Variants in FAAP100 observed in about 807,000 individuals in gnomAD.
FAAP100 encodes FA core complex associated protein 100, also known as Fanconi anemia core complex-associated protein 100.
In FAAP100, 46 loss-of-function variants were observed where a neutral mutation model predicts 65.8. The observed-to-expected ratio is 0.70, with a 90% CI of 0.55 to 0.89. FAAP100 has a LOEUF of 0.89. Ranked by LOEUF, FAAP100 falls within the 40% of genes least tolerant of loss-of-function variation. The pLI is 0.00. For synonymous variants in FAAP100, 663 were observed against 555.1 expected (o/e 1.19, Z -2.73); for missense variants, 1,165 against 1,196.7 (o/e 0.97, Z 0.39).
In FAAP100 at chr17:81,540,790, G is replaced by A. The variant is rs1463101391; in HGVS notation, c.*29C>T. On this transcript the variant is annotated 3_prime_UTR_variant, in exon 9 of 9. Transcript: ENST00000327787. ...GGGCTGTGACAGAGGCTGGAAGCGT[G>A]GCCAGAGCCCAGGGGCAGGCCCGCC... 1 of 1,488,916 alleles carries A rather than the reference G, an allele frequency of 6.7e-7. No homozygotes were observed. The highest frequency in any genetic ancestry group is 8.9e-7 in the Non-Finnish European group (1 of 1,117,454). 92.2% of individuals were successfully genotyped at this position (1,488,916 alleles called of 1,614,324 possible).
At chr17:81,542,931 C>A (rs2033169537) in intron 7 of FAAP100, among the ~76,000 whole-genome samples, 1 of 152,212 alleles carries the variant, frequency 6.6e-6, no homozygotes. Context: ...CTCTGGAGAA[C>A]CCCCTGGTGC....
chr17:81,551,049 G>C lies in FAAP100; in HGVS notation c.445C>G (p.Arg149Gly), dbSNP rs757988865. Residue 149 changes from arginine to glycine, a missense_variant, in exon 3 of 9, where the codon CGA (arginine) becomes GGA (glycine). Transcript: ENST00000327787. ...VLVTLVQGPARWKMQLFEQPC... is the reference protein window; with the variant it reads ...VLVTLVQGPAGWKMQLFEQPC... ...TGCTCAAACAGCTGCATCTTCCATC[G>C]GGCAGGGCCCTGCACCAGGGTGACC... The C allele has an allele frequency of 3.1e-6, 5 of 1,603,994 alleles. No homozygotes were observed. The highest frequency in any genetic ancestry group is 1.7e-5 in the Admixed American group (1 of 58,996).
rs2033207201 is a variant in FAAP100 at position 81,544,001 on chromosome 17, T to C, written c.2427+3A>G. On this transcript the variant is annotated splice_donor_region_variant and intron_variant, in intron 7 of 8. Coordinates refer to ENST00000327787, the MANE Select transcript of FAAP100 (RefSeq NM_025161.6). ...GGCCACCTTCCCCAGCGGGCCGACATACCTGCATGCGCCCGACAACGGCAT... is the reference window on the plus strand; with the variant it reads ...GGCCACCTTCCCCAGCGGGCCGACACACCTGCATGCGCCCGACAACGGCAT... The C allele has an allele frequency of 1.2e-6, 2 of 1,610,016 alleles. No homozygotes were observed. The highest frequency in any genetic ancestry group is 1.7e-6 in the Non-Finnish European group (2 of 1,178,106).
rs776989559 is a variant in FAAP100, at chr17:81,545,864, G to A, written c.2192C>T (p.Ala731Val). The change falls in exon 6 of 9, where the codon GCC becomes GTC. Residue 731 changes from alanine to valine, a missense_variant. Coordinates refer to ENST00000327787, the MANE Select transcript of FAAP100 (RefSeq NM_025161.6). ...DGHSGVPLCC[A>V]TLQWLLAENA... ...CTCAGCAAGGAGCCACTGCAGGGTG[G>A]CACAGCACAGGGGCACGCCTGGAGG... The A allele has an allele frequency of 6.2e-7, 1 of 1,608,420 alleles. No individual in the cohort carries two copies. Among genetic ancestry groups the A allele is most frequent in the Non-Finnish European group, 8.5e-7 (1 of 1,179,820 alleles).
Position 81,550,363 on chromosome 17 carries a change from C to A in FAAP100, c.1131G>T (p.Pro377=), listed in dbSNP as rs766722306. 9 of 1,612,816 alleles carry A rather than the reference C, an allele frequency of 5.6e-6. No individual in the cohort carries two copies. The highest frequency in any genetic ancestry group is 5.9e-6 in the Non-Finnish European group (7 of 1,179,988). ...CVVDLSRGST[P]LGPEQPEEGP... is the part of the protein sequence containing the mutation. ...CTTCTTCGGGCTGCTCAGGGCCCAGCGGGGTGCTTCCCCGAGACAGATCCA... is the reference window on the plus strand; with the variant it reads ...CTTCTTCGGGCTGCTCAGGGCCCAGAGGGGTGCTTCCCCGAGACAGATCCA... Residue 377 remains proline, a synonymous_variant, in exon 3 of 9, where the codon CCG becomes CCT. Transcript: ENST00000327787.
rs1221534603 is a variant in FAAP100 at position 81,545,736 on chromosome 17, C to A, written c.2310+10G>T. The A allele has an allele frequency of 3.1e-6, 5 of 1,607,902 alleles. No homozygotes were observed. The African/African-American group carries it at 5.3e-5, about 17-fold the overall frequency. ...GGTGCCGTGGCTCGTTTCCCTGAACCCCTGCTTGCCTCTCGGACGATGAGG... is the reference window on the plus strand; with the variant it reads ...GGTGCCGTGGCTCGTTTCCCTGAACACCTGCTTGCCTCTCGGACGATGAGG... On this transcript the variant is annotated intron_variant, in intron 6 of 8. Coordinates refer to ENST00000327787, the MANE Select transcript of FAAP100 (RefSeq NM_025161.6).
Position 81,541,312 on chromosome 17 carries a change from G to A in FAAP100, c.2511C>T (p.His837=), listed in dbSNP as rs148073755. The A allele has an allele frequency of 1.7e-4, 270 of 1,611,030 alleles. 1 individual carries two copies. The highest frequency in any genetic ancestry group is 1.5e-3 in the African/African-American group (116 of 75,048). ...VQYLRQIHAN[H]ETLLREVQTL... is the part of the protein sequence containing the mutation. ...GCCCGGGGAACCGGGTGCTCACCTCGTGGTTGGCGTGGATCTGGCGGAGGT... is the reference window on the plus strand; with the variant it reads ...GCCCGGGGAACCGGGTGCTCACCTCATGGTTGGCGTGGATCTGGCGGAGGT... The change falls in exon 8 of 9, where the codon CAC becomes CAT. Residue 837 remains histidine (H), a synonymous_variant. Coordinates refer to ENST00000327787, the MANE Select transcript of FAAP100 (RefSeq NM_025161.6).
In FAAP100 at chr17:81,546,969, C is replaced by G. The variant is rs2033323031; in HGVS notation, c.2113G>C (p.Val705Leu). The G allele has an allele frequency of 1.4e-6, 2 of 1,476,074 alleles. No individual in the cohort carries two copies. The highest frequency in any genetic ancestry group is 1.8e-6 in the Non-Finnish European group (2 of 1,111,746). 91.4% of individuals were successfully genotyped at this position (1,476,074 alleles called of 1,614,324 possible). A position where few individuals can be genotyped will look rare whatever the true frequency, so the allele number is the denominator to read the frequency against. Reference protein sequence around the residue: ...SLRAEYLPPSVASIKVSAELL... With the variant: ...SLRAEYLPPSLASIKVSAELL... Reference sequence around the variant, plus strand: ...TCCGCCGACACCTTGATGGAAGCCACAGATGGGGGCAGGTACTCGGCCCGC... The same window carrying G: ...TCCGCCGACACCTTGATGGAAGCCAGAGATGGGGGCAGGTACTCGGCCCGC... The change falls in exon 5 of 9, where the codon GTG (valine) becomes CTG (leucine). Residue 705 changes from valine to leucine, a missense_variant. Coordinates refer to ENST00000327787, the MANE Select transcript of FAAP100 (RefSeq NM_025161.6).
Position 81,550,385 on chromosome 17 carries a change from T to A in FAAP100, c.1109A>T (p.Asp370Val), listed in dbSNP as rs1274596193. 3 of 1,612,206 alleles carry A rather than the reference T, an allele frequency of 1.9e-6. No homozygotes were observed. The highest frequency in any genetic ancestry group is 2.7e-5 in the African/African-American group (2 of 74,756). ...CAGCGGGGTGCTTCCCCGAGACAGA[T>A]CCACCACACAGAGGTCAGAAGGGGT... is the stretch of plus-strand genomic sequence containing the variant. ...HSTPSDLCVV[D>V]LSRGSTPLGP... The change falls in exon 3 of 9, where the codon GAT (aspartate) becomes GTT (valine). Residue 370 changes from aspartate (D) to valine (V), a missense_variant. Asp to Val is a radical substitution (Grantham distance 152). Transcript: ENST00000327787.
In FAAP100 at chr17:81,543,062, G is replaced by A. The variant is rs118054484; in HGVS notation, c.2427+942C>T. On this transcript the variant is annotated intron_variant, in intron 7 of 8. Coordinates refer to ENST00000327787, the MANE Select transcript of FAAP100 (RefSeq NM_025161.6). Reference sequence around the variant, plus strand: ...GGTCATGGCAGTGTCACAGTGCAGGGCACAGGGTCCTTGCACCAAATGAGA... The same window carrying A: ...GGTCATGGCAGTGTCACAGTGCAGGACACAGGGTCCTTGCACCAAATGAGA... Among the ~76,000 whole-genome samples, 128 of 152,340 alleles carry A rather than the reference G, an allele frequency of 8.4e-4. 1 individual carries two copies. In the East Asian group the frequency reaches 0.021, roughly 25 times the overall value.
rs774134117 is a variant in FAAP100 at position 81,549,263 on chromosome 17, T to C, written c.1346A>G (p.Glu449Gly). The C allele has an allele frequency of 2.5e-6, 4 of 1,613,166 alleles. No individual in the cohort carries two copies. Among genetic ancestry groups the C allele is most frequent in the Non-Finnish European group, 3.4e-6 (4 of 1,180,000 alleles). ...CTCCTTTATTTTCTGACCTGCACTC[T>C]CTGTGGTCATCCTGGCTGGGCCAGG... ...EMPGPARMTT[E>G]SAGQKIKELL... The change falls in exon 4 of 9, where the codon GAG becomes GGG. Residue 449 changes from glutamate to glycine, a missense_variant. Transcript: ENST00000327787.
In FAAP100 at chr17:81,541,331, C is replaced by A. The variant is rs764123117; in HGVS notation, c.2492G>T (p.Arg831Leu). 3.7e-6 allele frequency: 6 copies of A among 1,611,720 alleles called. No individual in the cohort carries two copies. In the South Asian group the frequency reaches 5.5e-5, roughly 15 times the overall value. Residue 831 changes from arginine (R) to leucine (L), a missense_variant, in exon 8 of 9, where the codon CGC becomes CTC. Coordinates refer to ENST00000327787, the MANE Select transcript of FAAP100 (RefSeq NM_025161.6). ...CACCTCGTGGTTGGCGTGGATCTGG[C>A]GGAGGTACTGCACACGGAGATCAGG... ...SAPDLRVQYL[R>L]QIHANHETLL... is the part of the protein sequence containing the mutation.
chr17:81,541,062 T>G, intron 8 of FAAP100, 112 bp from the exon 9 acceptor site: 1 of 1,359,538 alleles, frequency 7.4e-7, no homozygotes, highest in Non-Finnish European at 9.8e-7. Flanking sequence ...TGGCAGGTGG[T>G]CCGAGGAAGA....
At chr17:81,548,912 C>T (rs897762878) in intron 4 of FAAP100, among the ~76,000 whole-genome samples, 12 of 151,222 alleles carry the variant, frequency 7.9e-5, no homozygotes, top group South Asian at 2.1e-4. Flanking sequence ...TGGTGGCGGG[C>T]GCCTGTAGTC....
Position 81,540,564 on chromosome 17 carries a change from G to GGAGA in FAAP100, c.*251_*254dup, listed in dbSNP as rs1190461265. The stretch of plus-strand genomic sequence containing the variant: ...AGGGGCTGCGGCCGCGGTCAGAGAA[G>GGAGA]GAGAGACACCAGCAGAGGACGCGAA... On this transcript the variant is annotated 3_prime_UTR_variant, in exon 9 of 9. Transcript: ENST00000327787. 2.2e-6 allele frequency: 1 copy of GGAGA among 457,606 alleles called. No individual in the cohort carries two copies. Among genetic ancestry groups the GGAGA allele is most frequent in the Non-Finnish European group, 3.8e-6 (1 of 263,896 alleles). The allele number at this position is 457,606 out of a possible 1,614,324, so 28.3% of individuals were successfully genotyped here.
intron 7 of FAAP100, among the ~76,000 whole-genome samples, chr17:81,542,202 TA>T (rs2033138298): frequency 3.7e-4 from 4 of 10,720 alleles, no homozygotes; most frequent in African/African-American, 1.2e-3. Context: ...AAAAAAAAAA[TA>T]TATATATATA....
chr17:81,547,972 C>T lies in FAAP100; in HGVS notation c.1404-294G>A, dbSNP rs1159837642. The T allele has an allele frequency of 4.3e-6, 3 of 703,284 alleles. No homozygotes were observed. In the African/African-American group the frequency reaches 5.2e-5, roughly 12 times the overall value. 43.6% of individuals were successfully genotyped at this position (703,284 alleles called of 1,614,324 possible). The stretch of plus-strand genomic sequence containing the variant: ...TGCTCCGGGGACCTAGGCTAATCTG[C>T]CAGGTATGAGAAGCGCACCACCCAC... On this transcript the variant is annotated intron_variant, in intron 4 of 8. Transcript: ENST00000327787.
rs2033358507 is a variant in FAAP100 at position 81,547,635 on chromosome 17, G to A, written c.1447C>T (p.Leu483=). 1 of 1,612,466 alleles carries A rather than the reference G, an allele frequency of 6.2e-7. No individual in the cohort carries two copies. Among genetic ancestry groups the A allele is most frequent in the Non-Finnish European group, 8.5e-7 (1 of 1,179,386 alleles). Residue 483 remains leucine, a synonymous_variant, in exon 5 of 9, where the codon CTG becomes TTG. Coordinates refer to ENST00000327787, the MANE Select transcript of FAAP100 (RefSeq NM_025161.6). ...TTCATGGCCTCGTTGAGGCTTGTCA[G>A]TGCCTTGTTCCGCTGGTCAACCGCC... ...KKAVDQRNKA[L]TSLNEAMNVS...
At chr17:81,544,396 G>C (rs556939030) in intron 6 of FAAP100, among the ~76,000 whole-genome samples, 4 of 152,326 alleles carry the variant, frequency 2.6e-5, no homozygotes, top group African/African-American at 9.6e-5. Context: ...TGGAATTCAC[G>C]CAGGGCCTCG....
Sources: gnomAD v4.1 joint callset for allele counts (sites outside exome capture counted in the v4.1 genomes callset) on GRCh38, gnomAD v4.1.1 for gene constraint, MANE v1.5 for transcripts, NCBI Gene and HGNC (gene_info 2026-07-23, HGNC 2026-07-21) for gene names.